Variants in SYT16 observed in about 807,000 individuals in gnomAD.
SYT16 encodes the protein synaptotagmin 16.
Under a neutral mutation model 61.4 loss-of-function variants are expected in SYT16, and 42 were observed. That is an observed-to-expected ratio of 0.68 (90% CI 0.53 to 0.89). The LOEUF (loss-of-function observed/expected upper bound fraction) is 0.89. Ranked by LOEUF, SYT16 falls within the 40% of genes least tolerant of loss-of-function variation. The probability of loss-of-function intolerance (pLI) is 0.00; values close to 1 mark genes in which losing one functional copy is unlikely to be tolerated. For missense variants in SYT16, 804 were observed against 807.3 expected (o/e 1.00, Z 0.05); for synonymous variants, 314 against 302.3 (o/e 1.04, Z -0.40).
At chr14:61,919,992 C>T (rs1380656766) in intron 1 of SYT16, among the ~76,000 whole-genome samples, 1 of 152,184 alleles carries the variant, frequency 6.6e-6, no homozygotes, top group African/African-American at 2.4e-5. Flanking sequence ...GTTTTCATCT[C>T]CCCACTGCCT....
intron 2 of SYT16, among the ~76,000 whole-genome samples, chr14:61,982,862 A>C (rs1323150844): frequency 6.6e-6 from 1 of 152,150 alleles, no homozygotes; most frequent in African/African-American, 2.4e-5. Flanking sequence ...TCTTCTCTGG[A>C]TGTCGTCTTC....
At position 61,813,804 on chromosome 14, in the gene SYT16, ATTT is replaced by A. The variant is rs570260110; in HGVS notation, c.-325+1011_-325+1013del. 2.5e-3 allele frequency among the ~76,000 whole-genome samples: 329 copies of A among 130,474 alleles called. 1 individual carries two copies. Among genetic ancestry groups the A allele is most frequent in the African/African-American group, 8.7e-3 (313 of 35,848 alleles). 85.6% of individuals were successfully genotyped at this position (130,474 alleles called of 152,430 possible). A position where few individuals can be genotyped will look rare whatever the true frequency, so the allele number is the denominator to read the frequency against. ...TGGCTACAGAGGCCCTTTGGAAGGT[ATTT>A]TTTTTTTTTTTTTTTTGAGAGGTGA... On this transcript the variant is annotated intron_variant, in intron 1 of 7. Transcript: ENST00000683842.
At chr14:62,048,858 C>G (rs933963166) in intron 3 of SYT16, among the ~76,000 whole-genome samples, 25 of 152,272 alleles carry the variant, frequency 1.6e-4, no homozygotes, top group Middle Eastern at 6.8e-3. Flanking sequence ...TTTATAATTT[C>G]TGTTCTTTAC....
At chr14:61,978,480 G>T (rs1367970029) in intron 2 of SYT16, among the ~76,000 whole-genome samples, 1 of 152,194 alleles carries the variant, frequency 6.6e-6, no homozygotes, top group Non-Finnish European at 1.5e-5. Context: ...GAACCACACA[G>T]GATCTCAATT....
intron 7 of SYT16, among the ~76,000 whole-genome samples, chr14:62,094,890 C>G (rs1431005592): frequency 6.6e-6 from 1 of 151,890 alleles, no homozygotes; most frequent in Non-Finnish European, 1.5e-5. Context: ...CAAAATTTTT[C>G]CATTCTCATC....
At chr14:61,817,014 C>CA (rs1566604727) in intron 1 of SYT16, among the ~76,000 whole-genome samples, 1 of 121,784 alleles carries the variant, frequency 8.2e-6, no homozygotes, top group African/African-American at 3.3e-5. Flanking sequence ...CCGTCACACA[C>CA]ACACACACAC....
chr14:62,006,878 A>G (rs1168947389), intron 3 of SYT16, among the ~76,000 whole-genome samples: 1 of 152,186 alleles, frequency 6.6e-6, no homozygotes, highest in Non-Finnish European at 1.5e-5. Context: ...TATTTCCTGA[A>G]ATAGCCTGCT....
intron 1 of SYT16, chr14:61,832,377 C>T: frequency 3.6e-6 from 2 of 552,218 alleles, no homozygotes; most frequent in Non-Finnish European, 7.2e-6. Flanking sequence ...CATTCTGCCG[C>T]AGCTGCCCCA....
intron 3 of SYT16, among the ~76,000 whole-genome samples, chr14:62,029,878 G>A (rs2054249162): frequency 6.6e-6 from 1 of 152,020 alleles, no homozygotes; most frequent in African/African-American, 2.4e-5. Context: ...ATATGTTTGT[G>A]TGTGTTTCTG....
At chr14:61,922,307 A>G (rs1363933237) in intron 1 of SYT16, among the ~76,000 whole-genome samples, 5 of 152,232 alleles carry the variant, frequency 3.3e-5, no homozygotes, top group Non-Finnish European at 4.4e-5. Flanking sequence ...GGCAGATTGG[A>G]TAAAGAAAAT....
intron 1 of SYT16, among the ~76,000 whole-genome samples, chr14:61,907,935 A>G (rs1335128483): frequency 6.6e-6 from 1 of 152,238 alleles, no homozygotes; most frequent in African/African-American, 2.4e-5. Context: ...CAGGATCTTT[A>G]GGACCATATA....
At chr14:61,949,020 A>G (rs1356079748) in intron 1 of SYT16, among the ~76,000 whole-genome samples, 1 of 152,182 alleles carries the variant, frequency 6.6e-6, no homozygotes, top group Non-Finnish European at 1.5e-5. Flanking sequence ...TACCTAGTAG[A>G]TGGATGGAAA....
At chr14:62,004,429 G>A (rs1163546464) in intron 3 of SYT16, among the ~76,000 whole-genome samples, 3 of 152,080 alleles carry the variant, frequency 2.0e-5, no homozygotes, top group African/African-American at 7.2e-5. Context: ...TCAAGATGAG[G>A]TTTGAGTGGG....
chr14:61,991,949 C>G (rs954777895), intron 2 of SYT16, among the ~76,000 whole-genome samples: 1 of 117,240 alleles, frequency 8.5e-6, no homozygotes, highest in Non-Finnish European at 1.8e-5. Flanking sequence ...TAACTTTGTT[C>G]GTTCATTCAT....
At chr14:62,044,802 G>C (rs1373171661) in intron 3 of SYT16, among the ~76,000 whole-genome samples, 1 of 152,124 alleles carries the variant, frequency 6.6e-6, no homozygotes, top group Non-Finnish European at 1.5e-5. Context: ...TTATGTCCTA[G>C]AACCAGTCCT....
chr14:61,816,456 G>T (rs1371672291), intron 1 of SYT16, among the ~76,000 whole-genome samples: 1 of 152,138 alleles, frequency 6.6e-6, no homozygotes, highest in Non-Finnish European at 1.5e-5. Flanking sequence ...TGAGTTAAAT[G>T]ATTTCTAACC....
chr14:62,004,235 GGAGAGACA>G (rs920821825), intron 3 of SYT16, among the ~76,000 whole-genome samples: 5 of 152,088 alleles, frequency 3.3e-5, no homozygotes, highest in African/African-American at 1.2e-4. Context: ...CATGGCAACA[GGAGAGACA>G]GAGAGACAGA....
intron 1 of SYT16, among the ~76,000 whole-genome samples, chr14:61,963,614 A>G (rs2051195730): frequency 6.6e-6 from 1 of 152,188 alleles, no homozygotes; most frequent in Non-Finnish European, 1.5e-5. Context: ...CCATTACATG[A>G]AAGAGCAAGG....
chr14:61,877,030 C>G (rs1011303927), intron 1 of SYT16, among the ~76,000 whole-genome samples: 2 of 152,172 alleles, frequency 1.3e-5, no homozygotes, highest in African/African-American at 4.8e-5. Context: ...CTCATCAGAC[C>G]TCCTACCTTT....
Sources: gnomAD v4.1 joint callset for allele counts (sites outside exome capture counted in the v4.1 genomes callset) on GRCh38, gnomAD v4.1.1 for gene constraint, MANE v1.5 for transcripts, NCBI Gene and HGNC (gene_info 2026-07-23, HGNC 2026-07-21) for gene names.